VAV1: variants seen among roughly 807,000 people sequenced by gnomAD.
The protein encoded by VAV1 is proto-oncogene vav.
Under a neutral mutation model 128.1 loss-of-function variants are expected in VAV1, and 33 were observed. The observed-to-expected ratio is 0.26, with a 90% confidence interval of 0.20 to 0.34. The LOEUF is 0.34. Among genes scored for constraint, VAV1 ranks in the 10% least tolerant of loss-of-function variants. VAV1 has a pLI of 1.00. For synonymous variants in VAV1, 394 were observed against 409.8 expected, an observed-to-expected ratio of 0.96 and a Z score of 0.47; for missense variants, 715 against 1,093.7, an observed-to-expected ratio of 0.65 and a Z score of 4.88.
Position 6,857,322 on chromosome 19 carries a change from G to A in VAV1, c.*215G>A, listed in dbSNP as rs1490877440. The A allele has an allele frequency of 1.7e-6, 1 of 583,848 alleles. No individual in the cohort carries two copies. The allele number at this position is 583,848 out of a possible 1,614,324, so 36.2% of individuals were successfully genotyped here. On this transcript the variant is annotated 3_prime_UTR_variant, in exon 27 of 27. Coordinates refer to ENST00000602142, the MANE Select transcript of VAV1 (RefSeq NM_005428.4). Reference sequence around the variant, plus strand: ...CTCTTGGGTCCCCTCAAGCAGACGGGGCTCAAGGGGGTTACATTTAATAAA... The same window carrying A: ...CTCTTGGGTCCCCTCAAGCAGACGGAGCTCAAGGGGGTTACATTTAATAAA...
chr19:6,811,374 C>T (rs1377087161), intron 1 of VAV1, among the ~76,000 whole-genome samples: 1 of 152,160 alleles, frequency 6.6e-6, no homozygotes, highest in African/African-American at 2.4e-5. Context: ...GGCACTATTG[C>T]ATGCCACCAT....
chr19:6,795,331 C>A (rs2082084241), intron 1 of VAV1, among the ~76,000 whole-genome samples: 1 of 151,996 alleles, frequency 6.6e-6, no homozygotes. Flanking sequence ...CTACATGAAC[C>A]TTGAGCAAAT....
In VAV1 at chr19:6,831,733, G is replaced by T. The variant is rs566274238; in HGVS notation, c.1399-358G>T. On this transcript the variant is annotated intron_variant, in intron 14 of 26. Transcript: ENST00000602142. Reference sequence around the variant, plus strand: ...CTCTGGGGACCACATCCTATTCACTGCTCTGTCCCCAGCTCCTAGCAGTGT... The same window carrying T: ...CTCTGGGGACCACATCCTATTCACTTCTCTGTCCCCAGCTCCTAGCAGTGT... Among the ~76,000 whole-genome samples the T allele has an allele frequency of 3.9e-4, 59 of 152,272 alleles. No individual in the cohort carries two copies. In the East Asian group the frequency reaches 6.2e-3, roughly 16 times the overall value.
chr19:6,806,155 C>T (rs1442024177), intron 1 of VAV1, among the ~76,000 whole-genome samples: 3 of 152,152 alleles, frequency 2.0e-5, no homozygotes, highest in Admixed American at 6.5e-5. Flanking sequence ...GGCACGATCT[C>T]GGCTCACTGC....
intron 1 of VAV1, among the ~76,000 whole-genome samples, chr19:6,785,661 CTT>C (rs754577854): frequency 0.028 from 3,617 of 128,326 alleles, 139 homozygotes; most frequent in African/African-American, 0.095. Context: ...TTCTTTCTTT[CTT>C]TTTTTTTTTT....
chr19:6,843,614 C>T (rs552519263), intron 22 of VAV1, among the ~76,000 whole-genome samples: 13 of 152,214 alleles, frequency 8.5e-5, no homozygotes, highest in African/African-American at 3.1e-4. Context: ...TGACCTTGGG[C>T]CGGTTACTTA....
chr19:6,841,808 C>T lies in VAV1; in HGVS notation c.1981-1327C>T, dbSNP rs80279227. Among the ~76,000 whole-genome samples, 782 of 152,164 alleles carry T rather than the reference C, an allele frequency of 5.1e-3. 5 individuals carry two copies. The highest frequency in any genetic ancestry group is 0.018 in the African/African-American group (740 of 41,528). ...TTTCATAGTGCACCATTTTCCATTCCCACCAACAGTGCACAAGGGTTCTGA... is the reference window on the plus strand; with the variant it reads ...TTTCATAGTGCACCATTTTCCATTCTCACCAACAGTGCACAAGGGTTCTGA... On this transcript the variant is annotated intron_variant, in intron 21 of 26. Transcript: ENST00000602142.
chr19:6,854,138 G>A (rs374113243), intron 26 of VAV1, 40 bp downstream of exon 26: 167 of 1,604,754 alleles, frequency 1.0e-4, no homozygotes, highest in Admixed American at 2.8e-4. Context: ...GGGCATGGGG[G>A]TTGAGCTGGT....
At chr19:6,818,575 T>C (rs537764562) in intron 1 of VAV1, among the ~76,000 whole-genome samples, 10 of 152,240 alleles carry the variant, frequency 6.6e-5, no homozygotes, top group African/African-American at 2.4e-4. Context: ...CCCCCAAAAT[T>C]TATACATTGA....
chr19:6,849,824 T>C (rs557596934), intron 23 of VAV1, among the ~76,000 whole-genome samples: 1 of 152,252 alleles, frequency 6.6e-6, no homozygotes, highest in Admixed American at 6.5e-5. Context: ...CATTTTCTTA[T>C]CCAGTCCACT....
chr19:6,826,912 C>T lies in VAV1; in HGVS notation c.927+201C>T. The T allele has an allele frequency of 1.7e-6, 1 of 596,800 alleles. No individual in the cohort carries two copies. Among genetic ancestry groups the T allele is most frequent in the East Asian group, 2.8e-5 (1 of 35,608 alleles). 37.0% of individuals were successfully genotyped at this position (596,800 alleles called of 1,614,324 possible). On this transcript the variant is annotated intron_variant, in intron 9 of 26. Transcript: ENST00000602142. The surrounding 1 kb of genome is among the most constrained non-coding windows in gnomAD (Gnocchi z 4.1). ...GAAATGGGCTGGCCCTGGGTCTGGG[C>T]TGACCCCTGATATCAGGGTGAAGTC... is the stretch of plus-strand genomic sequence containing the variant.
intron 1 of VAV1, among the ~76,000 whole-genome samples, chr19:6,792,888 C>A (rs908088498): frequency 6.6e-6 from 1 of 152,020 alleles, no homozygotes; most frequent in Admixed American, 6.6e-5. Context: ...GAGTGTCTTC[C>A]AATGCCCAGG....
chr19:6,847,122 C>T (rs1972542687), intron 22 of VAV1, among the ~76,000 whole-genome samples: 1 of 152,156 alleles, frequency 6.6e-6, no homozygotes, highest in East Asian at 1.9e-4. Context: ...CCATGTTGCC[C>T]AGGCTGGTCT....
rs1039355884 is a variant in VAV1, at chr19:6,853,561, T to TA, written c.2333-374dup. ...CAACATGGTGAAACTCCATCTCTAC[T>TA]AAAAAAAAAAAACATAAAAATCAGC... On this transcript the variant is annotated intron_variant, in intron 25 of 26. Transcript: ENST00000602142. 2.0e-3 allele frequency among the ~76,000 whole-genome samples: 286 copies of TA among 140,070 alleles called. 2 individuals are homozygous for TA. Among genetic ancestry groups the TA allele is most frequent in the Middle Eastern group, 7.2e-3 (2 of 278 alleles). 91.9% of individuals were successfully genotyped at this position (140,070 alleles called of 152,430 possible).
At position 6,828,304 on chromosome 19, in the gene VAV1, C is replaced by A; in HGVS notation, c.1024-115C>A. ...ATGGGTCACTGGGGTCATGTCTCAG[C>A]CTCCAGGGTCAGCAGTACGATGGAG... On this transcript the variant is annotated intron_variant, in intron 10 of 26. Coordinates refer to ENST00000602142, the MANE Select transcript of VAV1 (RefSeq NM_005428.4). This position sits in a 1 kb window ranked among gnomAD's most constrained non-coding sequence, Gnocchi z 4.5. 6.6e-7 allele frequency: 1 copy of A among 1,521,246 alleles called. No individual in the cohort carries two copies. The highest frequency in any genetic ancestry group is 9.0e-7 in the Non-Finnish European group (1 of 1,107,246). The allele number at this position is 1,521,246 out of a possible 1,614,324, so 94.2% of individuals were successfully genotyped here.
chr19:6,840,158 A>G (rs1599673921), intron 21 of VAV1, among the ~76,000 whole-genome samples: 1 of 151,450 alleles, frequency 6.6e-6, no homozygotes, highest in East Asian at 1.9e-4. Flanking sequence ...TTCACATTCT[A>G]CTCTTGAGCT....
chr19:6,798,209 G>A (rs1021146142), intron 1 of VAV1, among the ~76,000 whole-genome samples: 2 of 151,982 alleles, frequency 1.3e-5, no homozygotes, highest in Non-Finnish European at 2.9e-5. Flanking sequence ...CCTGGGAGGC[G>A]GAGGTTGCAG....
intron 1 of VAV1, among the ~76,000 whole-genome samples, chr19:6,789,096 C>T (rs1268247234): frequency 3.3e-5 from 5 of 152,198 alleles, no homozygotes; most frequent in East Asian, 1.9e-4. Context: ...GAGGCAGAAT[C>T]GCCCTGGGGG....
intron 1 of VAV1, among the ~76,000 whole-genome samples, chr19:6,807,314 G>A (rs1168614975): frequency 6.6e-6 from 1 of 151,930 alleles, no homozygotes; most frequent in South Asian, 2.1e-4. Flanking sequence ...CCATCTGGGG[G>A]TGATGGGAGA....
Sources: allele counts gnomAD v4.1 joint callset (sites outside exome capture counted in the v4.1 genomes callset), GRCh38; gene constraint gnomAD v4.1.1; non-coding constraint Gnocchi (gnomAD v3.1); transcripts MANE v1.5; gene names NCBI Gene and HGNC (gene_info 2026-07-23, HGNC 2026-07-21).